The following ROBO1 variants were observed in gnomAD, a reference collection of about 807,000 sequenced individuals.
ROBO1 encodes roundabout guidance receptor 1.
In ROBO1, 149 loss-of-function variants were observed where a neutral mutation model predicts 195.9. The ratio of observed to expected loss-of-function variants is 0.76; its 90% CI spans 0.67 to 0.87. The LOEUF (loss-of-function observed/expected upper bound fraction) is 0.87, where lower values mean the gene tolerates loss of function less well. Among genes scored for constraint, ROBO1 ranks in the 40% least tolerant of loss-of-function variants. The pLI is 0.00. For synonymous variants in ROBO1, 816 were observed against 733.2 expected (o/e 1.11, Z -1.82); for missense variants, 1,933 against 2,068.3 (o/e 0.93, Z 1.27).
At chr3:79,395,238 A>C (rs1022454816) in intron 2 of ROBO1, among the ~76,000 whole-genome samples, 1 of 146,108 alleles carries the variant, frequency 6.8e-6, no homozygotes, top group Admixed American at 6.9e-5. Context: ...AGGAGAATGG[A>C]GTGAACCCGG....
intron 2 of ROBO1, among the ~76,000 whole-genome samples, chr3:79,169,067 A>G (rs2081121947): frequency 6.6e-6 from 1 of 152,166 alleles, no homozygotes; most frequent in Non-Finnish European, 1.5e-5. Flanking sequence ...TGGGAAGAAT[A>G]ATGGAACTAT....
chr3:79,019,447 C>T, intron 3 of ROBO1: 1 of 986,316 alleles, frequency 1.0e-6, no homozygotes, highest in Non-Finnish European at 1.2e-6. Context: ...GCTGCCTCCT[C>T]TCCAGCTCAA....
At chr3:78,856,536 T>G (rs111551048) in intron 4 of ROBO1, among the ~76,000 whole-genome samples, 19 of 151,900 alleles carry the variant, frequency 1.3e-4, no homozygotes, top group African/African-American at 4.6e-4. Flanking sequence ...CTCTCAACAT[T>G]TAGCGTATAA....
chr3:79,693,381 ATTTGTG>A (rs1378024985), intron 1 of ROBO1, among the ~76,000 whole-genome samples: 22 of 110,726 alleles, frequency 2.0e-4, no homozygotes, highest in Middle Eastern at 3.8e-3. Context: ...ATATATAGAG[ATTTGTG>A]TGTGTGTGTG....
intron 1 of ROBO1, among the ~76,000 whole-genome samples, chr3:79,752,715 G>A (rs1040013204): frequency 6.6e-6 from 1 of 152,048 alleles, no homozygotes; most frequent in African/African-American, 2.4e-5. Flanking sequence ...ATCAAGGAGA[G>A]GCTATAATTA....
intron 27 of ROBO1, among the ~76,000 whole-genome samples, chr3:78,616,882 G>A (rs898843872): frequency 2.6e-5 from 4 of 152,034 alleles, no homozygotes; most frequent in African/African-American, 9.7e-5. Context: ...TTGGGAAGAG[G>A]AGGAGATAAG....
chr3:79,284,594 G>T (rs1408372470), intron 2 of ROBO1, among the ~76,000 whole-genome samples: 3 of 152,068 alleles, frequency 2.0e-5, no homozygotes, highest in Non-Finnish European at 4.4e-5. Flanking sequence ...CTTAATTTTG[G>T]TAATTGTTGT....
In ROBO1 at chr3:79,740,224, A is replaced by C. The variant is rs369571406; in HGVS notation, c.-51+27528T>G. ...AAAAATATATATATTTATATATATA[A>C]ATTTATATATAAATATATATATATA... On this transcript the variant is annotated intron_variant, in intron 1 of 30. Transcript: ENST00000464233. 6.1e-5 allele frequency among the ~76,000 whole-genome samples: 5 copies of C among 81,790 alleles called. No homozygotes were observed. The South Asian group carries it at 2.4e-3, about 40-fold the overall frequency. 53.7% of individuals were successfully genotyped at this position (81,790 alleles called of 152,430 possible).
At chr3:79,674,467 A>G (rs1946722702) in intron 1 of ROBO1, among the ~76,000 whole-genome samples, 1 of 151,960 alleles carries the variant, frequency 6.6e-6, no homozygotes, top group Non-Finnish European at 1.5e-5. Flanking sequence ...TTGAAAATAG[A>G]AAATAAAAAA....
intron 29 of ROBO1, among the ~76,000 whole-genome samples, chr3:78,602,385 A>C (rs1448764452): frequency 6.6e-6 from 1 of 152,144 alleles, no homozygotes; most frequent in East Asian, 1.9e-4. Flanking sequence ...TCTCCTCAGA[A>C]GCCAAGCGGA....
At chr3:79,346,255 C>A (rs1171777933) in intron 2 of ROBO1, among the ~76,000 whole-genome samples, 1 of 152,020 alleles carries the variant, frequency 6.6e-6, no homozygotes, top group African/African-American at 2.4e-5. Context: ...GGTGGCTTAA[C>A]CAAAATGGTT....
chr3:78,640,073 T>C (rs1181305292), intron 21 of ROBO1, among the ~76,000 whole-genome samples, 175 bp from the exon 22 acceptor site: 1 of 152,180 alleles, frequency 6.6e-6, no homozygotes. Context: ...TATAAGGTTC[T>C]GGGATGTGCC....
At chr3:79,665,838 G>A (rs1039597227) in intron 1 of ROBO1, among the ~76,000 whole-genome samples, 1 of 151,862 alleles carries the variant, frequency 6.6e-6, no homozygotes, top group African/African-American at 2.4e-5. Flanking sequence ...TTAAACACAA[G>A]GCTTTAAAAG....
At chr3:79,766,914 T>G (rs1175286979) in intron 1 of ROBO1, among the ~76,000 whole-genome samples, 1 of 152,154 alleles carries the variant, frequency 6.6e-6, no homozygotes, top group African/African-American at 2.4e-5. Flanking sequence ...GTGGTTTTTG[T>G]GTGTGAAAGA....
At chr3:79,566,360 T>C (rs1310868939) in intron 2 of ROBO1, among the ~76,000 whole-genome samples, 1 of 152,088 alleles carries the variant, frequency 6.6e-6, no homozygotes, top group Admixed American at 6.6e-5. Context: ...GCAAAATAAA[T>C]TATAATTTGC....
At chr3:78,661,881 T>A in intron 15 of ROBO1, 112 bp downstream of exon 15, 1 of 1,250,296 alleles carries the variant, frequency 8.0e-7, no homozygotes, top group South Asian at 1.5e-5. Context: ...GTGCTTACAC[T>A]ATAAAGTTAT....
intron 1 of ROBO1, among the ~76,000 whole-genome samples, chr3:79,711,832 G>A (rs776214805): frequency 7.1e-6 from 1 of 140,700 alleles, no homozygotes; most frequent in Non-Finnish European, 1.5e-5. Flanking sequence ...GGTAATTCTG[G>A]CAATATTTTA....
chr3:79,346,192 C>A (rs1038302076), intron 2 of ROBO1, among the ~76,000 whole-genome samples: 3 of 150,126 alleles, frequency 2.0e-5, no homozygotes, highest in African/African-American at 7.6e-5. Context: ...TACTGTAATT[C>A]AATTTTTGAG....
chr3:78,763,080 T>C lies in ROBO1; in HGVS notation c.500-16180A>G, dbSNP rs1207376484. 3.9e-5 allele frequency among the ~76,000 whole-genome samples: 6 copies of C among 152,160 alleles called. No homozygotes were observed. In the East Asian group the frequency reaches 1.2e-3, roughly 29 times the overall value. On this transcript the variant is annotated intron_variant, in intron 4 of 30. Coordinates refer to ENST00000464233, the MANE Select transcript of ROBO1 (RefSeq NM_002941.4). ...TGACAGCTCGTACAACCATAATTAA[T>C]TGATCTAAGTAATGCTTGAAAGAAA... is the stretch of plus-strand genomic sequence containing the variant.
Sources: gnomAD v4.1 joint callset for allele counts (sites outside exome capture counted in the v4.1 genomes callset) on GRCh38, gnomAD v4.1.1 for gene constraint, MANE v1.5 for transcripts, NCBI Gene and HGNC (gene_info 2026-07-23, HGNC 2026-07-21) for gene names.